SGMS2: variants seen among roughly 807,000 people sequenced by gnomAD.
SGMS2 encodes sphingomyelin synthase 2.
A neutral mutation model predicts 43.8 loss-of-function variants in SGMS2; 21 were observed. The observed-to-expected ratio is 0.48, with a 90% CI of 0.34 to 0.69. SGMS2 has a LOEUF of 0.69. SGMS2 is among the 30% of genes least tolerant of loss of function. The probability of loss-of-function intolerance (pLI) is 0.01; values close to 1 mark genes in which losing one functional copy is unlikely to be tolerated. For missense variants in SGMS2, 384 were observed against 443.2 expected, an observed-to-expected ratio of 0.87 and a Z score of 1.20; for synonymous variants, 167 against 160.6, an observed-to-expected ratio of 1.04 and a Z score of -0.30.
intron 2 of SGMS2, among the ~76,000 whole-genome samples, chr4:107,879,867 A>G (rs1172017142): frequency 6.6e-6 from 1 of 152,220 alleles, no homozygotes; most frequent in East Asian, 1.9e-4. Context: ...GAATTATGCA[A>G]CCATCATTAC....
chr4:107,836,706 C>T (rs1332752476), intron 1 of SGMS2, among the ~76,000 whole-genome samples: 1 of 152,144 alleles, frequency 6.6e-6, no homozygotes, highest in African/African-American at 2.4e-5. Flanking sequence ...TTGTGCTCTT[C>T]CTCAGTTGCT....
At chr4:107,907,905 A>G (rs1001518056) in intron 5 of SGMS2, 1 of 152,258 alleles carries the variant, frequency 6.6e-6, no homozygotes, top group Non-Finnish European at 1.5e-5. Context: ...TCTTACAGCT[A>G]GTAAGTAGAA....
intron 1 of SGMS2, among the ~76,000 whole-genome samples, chr4:107,830,053 C>T (rs1346101856): frequency 6.6e-6 from 1 of 152,150 alleles, no homozygotes; most frequent in Non-Finnish European, 1.5e-5. Context: ...CAAGTAGGCC[C>T]CTGTGTCTGT....
chr4:107,834,923 T>C (rs1314046920), intron 1 of SGMS2, among the ~76,000 whole-genome samples: 1 of 152,134 alleles, frequency 6.6e-6, no homozygotes, highest in African/African-American at 2.4e-5. Flanking sequence ...TAGTCCCAGC[T>C]ACTCAGGAAG....
intron 1 of SGMS2, among the ~76,000 whole-genome samples, chr4:107,844,668 C>T (rs541874816): frequency 3.3e-5 from 5 of 152,060 alleles, no homozygotes; most frequent in Admixed American, 6.6e-5. Context: ...ATTGCACCAC[C>T]GCTCTCCAGC....
At chr4:107,886,984 T>C (rs1255212816) in intron 2 of SGMS2, among the ~76,000 whole-genome samples, 3 of 152,236 alleles carry the variant, frequency 2.0e-5, no homozygotes, top group Non-Finnish European at 4.4e-5. Flanking sequence ...GAGTATACTT[T>C]ACTCAATTGT....
chr4:107,838,460 A>G (rs1428294984), intron 1 of SGMS2, among the ~76,000 whole-genome samples: 2 of 151,000 alleles, frequency 1.3e-5, no homozygotes, highest in African/African-American at 2.5e-5. Context: ...TTGAAGTTAC[A>G]TATTAAAATA....
At chr4:107,845,881 G>A (rs1726779475) in intron 1 of SGMS2, among the ~76,000 whole-genome samples, 1 of 152,178 alleles carries the variant, frequency 6.6e-6, no homozygotes. Context: ...GAATAGGAAA[G>A]CTATAGGAGG....
At chr4:107,864,435 G>A (rs1009229303) in intron 2 of SGMS2, 7 of 152,196 alleles carry the variant, frequency 4.6e-5, no homozygotes, top group Non-Finnish European at 1.0e-4. Context: ...GTTTCCCAAG[G>A]AAGTAGTTGG....
intron 2 of SGMS2, among the ~76,000 whole-genome samples, chr4:107,886,401 C>T (rs76030962): frequency 0.04 from 4,337 of 108,482 alleles, 92 homozygotes; most frequent in Non-Finnish European, 0.053. Context: ...TTTTGGTAAA[C>T]GCAGGGTTTC....
chr4:107,861,461 C>A (rs1727726801), intron 2 of SGMS2, among the ~76,000 whole-genome samples: 1 of 152,112 alleles, frequency 6.6e-6, no homozygotes, highest in Non-Finnish European at 1.5e-5. Flanking sequence ...AACTACGAAC[C>A]CCAAATTAGA....
rs189651507 is a variant in SGMS2, at chr4:107,883,858, T to C, written c.-244-11452T>C. 8.6e-3 allele frequency among the ~76,000 whole-genome samples: 1,309 copies of C among 152,332 alleles called. 15 individuals carry two copies. The highest frequency in any genetic ancestry group is 0.03 in the African/African-American group (1,232 of 41,568). ...AGCCTATGTAAAAAATCATTATTCT[T>C]GCTGCACTGTCTACAAATAATTAGG... On this transcript the variant is annotated intron_variant, in intron 2 of 6. Coordinates refer to ENST00000690982, the MANE Select transcript of SGMS2 (RefSeq NM_001375905.1).
chr4:107,884,240 C>T (rs1729573063), intron 2 of SGMS2, among the ~76,000 whole-genome samples: 1 of 152,160 alleles, frequency 6.6e-6, no homozygotes. Context: ...TTCATACCTG[C>T]CTACTAATGT....
At chr4:107,846,409 A>G (rs1157878059) in intron 1 of SGMS2, among the ~76,000 whole-genome samples, 2 of 150,642 alleles carry the variant, frequency 1.3e-5, no homozygotes, top group African/African-American at 2.4e-5. Context: ...GATGATTTCC[A>G]ATTTTATCCA....
chr4:107,868,468 G>A (rs1445680269), intron 2 of SGMS2, among the ~76,000 whole-genome samples: 1 of 152,174 alleles, frequency 6.6e-6, no homozygotes, highest in African/African-American at 2.4e-5. Flanking sequence ...TGTAATCCCA[G>A]CAGTTTGGGA....
intron 2 of SGMS2, among the ~76,000 whole-genome samples, chr4:107,864,902 G>A (rs1436219986): frequency 1.3e-5 from 2 of 152,076 alleles, no homozygotes; most frequent in Non-Finnish European, 2.9e-5. Context: ...ATGCATTTAA[G>A]TTTGGTTTAT....
At position 107,885,846 on chromosome 4, in the gene SGMS2, C is replaced by T. The variant is rs144499532; in HGVS notation, c.-244-9464C>T. On this transcript the variant is annotated intron_variant, in intron 2 of 6. Transcript: ENST00000690982. ...AATAAAAATATGATCACTTACTTGA[C>T]TATTGGTTACTGATGTAGCCACTAC... 3.8e-3 allele frequency among the ~76,000 whole-genome samples: 582 copies of T among 152,232 alleles called. 4 individuals are homozygous for T. Among genetic ancestry groups the T allele is most frequent in the African/African-American group, 0.013 (522 of 41,542 alleles).
chr4:107,848,502 C>T (rs1248315841), intron 1 of SGMS2, among the ~76,000 whole-genome samples: 1 of 152,122 alleles, frequency 6.6e-6, no homozygotes, highest in African/African-American at 2.4e-5. Flanking sequence ...TTACTGTCCA[C>T]CAGTGTGGGT....
rs537917758 is a variant in SGMS2 at position 107,865,653 on chromosome 4, C to T, written c.-245+7100C>T. Among the ~76,000 whole-genome samples the T allele has an allele frequency of 1.1e-4, 16 of 152,284 alleles. No individual in the cohort carries two copies. The South Asian group carries it at 3.1e-3, about 30-fold the overall frequency. On this transcript the variant is annotated intron_variant, in intron 2 of 6. Coordinates refer to ENST00000690982, the MANE Select transcript of SGMS2 (RefSeq NM_001375905.1). ...TATTGTTTACCTTCTAATTAACTAT[C>T]TCTTGTTCTAGGGAATATGACCTTT...
Sources: allele counts gnomAD v4.1 joint callset (sites outside exome capture counted in the v4.1 genomes callset), GRCh38; gene constraint gnomAD v4.1.1; transcripts MANE v1.5; gene names NCBI Gene and HGNC (gene_info 2026-07-23, HGNC 2026-07-21).